The following ZNF816 variants were observed in gnomAD, a reference collection of about 807,000 sequenced individuals.
ZNF816 encodes the protein zinc finger protein 816.
ZNF816 carries 11 observed loss-of-function variants against 8.3 expected under a neutral mutation model. The ratio of observed to expected loss-of-function variants is 1.32; its 90% CI spans 0.83 to 2.19. The LOEUF (loss-of-function observed/expected upper bound fraction) is 2.19, where lower values mean the gene tolerates loss of function less well. ZNF816 is among the 30% of genes most tolerant of loss of function. The pLI, the probability that ZNF816 is intolerant of heterozygous loss-of-function variation, is 0.00. For synonymous variants in ZNF816, 255 were observed against 254.5 expected, an observed-to-expected ratio of 1.00 and a Z score of -0.02; for missense variants, 710 against 779.3, an observed-to-expected ratio of 0.91 and a Z score of 1.06.
rs1470180959 is a variant in ZNF816 at position 52,952,869 on chromosome 19, C to T, written c.72G>A (p.Leu24=). 6 of 1,597,222 alleles carry T rather than the reference C, an allele frequency of 3.8e-6. No individual in the cohort carries two copies. Among genetic ancestry groups the T allele is most frequent in the Non-Finnish European group, 5.1e-6 (6 of 1,175,246 alleles). ...EPGMALPQGR[L]TFRDVAIEFS... ...ACTCTATAGCCACATCCCTGAAAGT[C>T]AAGCGTCCCTAAAATAAAAAACACG... Residue 24 remains leucine, a synonymous_variant, in exon 3 of 4, where the codon TTG becomes TTA. Transcript: ENST00000444460.
rs145781671 is a variant in ZNF816, at chr19:52,958,370, C to G, written c.-15-2266G>C. Among the ~76,000 whole-genome samples, 171 of 152,328 alleles carry G rather than the reference C, an allele frequency of 1.1e-3. 1 individual carries two copies. The highest frequency in any genetic ancestry group is 0.01 in the Middle Eastern group (3 of 294). On this transcript the variant is annotated intron_variant, in intron 1 of 3. Coordinates refer to ENST00000444460, the MANE Select transcript of ZNF816 (RefSeq NM_001202457.3). ...TTTCTTTAGCATTAGACTAGCCCCT[C>G]AGAGCCAGAAGCTGTTTGCCTTTCA...
At position 52,957,888 on chromosome 19, in the gene ZNF816, C is replaced by G. The variant is rs901781598; in HGVS notation, c.-15-1784G>C. ...TTACCCAGAACGGGAGTCATTATGG[C>G]CCTTACAGTCCCCCAGGAAGAGGAA... On this transcript the variant is annotated intron_variant, in intron 1 of 3. Coordinates refer to ENST00000444460, the MANE Select transcript of ZNF816 (RefSeq NM_001202457.3). The surrounding 1 kb of genome is among the most constrained non-coding windows in gnomAD (Gnocchi z 4.6). 1.3e-5 allele frequency among the ~76,000 whole-genome samples: 2 copies of G among 152,174 alleles called. No homozygotes were observed. The highest frequency in any genetic ancestry group is 2.9e-5 in the Non-Finnish European group (2 of 68,048).
At position 52,950,024 on chromosome 19, in the gene ZNF816, T is replaced by G; in HGVS notation, c.1751A>C (p.Gln584Pro). The G allele has an allele frequency of 6.2e-7, 1 of 1,613,974 alleles. No homozygotes were observed. The highest frequency in any genetic ancestry group is 2.2e-5 in the East Asian group (1 of 44,862). ...FNQKGILAQH[Q>P]RVHTGEKPYK... ...AGGTTTCTCTCCAGTATGAACTCTC[T>G]GATGTTGTGCAAGGATTCCTTTTTG... The change falls in exon 4 of 4, where the codon CAG becomes CCG. Residue 584 changes from glutamine (Q) to proline (P), a missense_variant. Gln to Pro is a moderately conservative substitution (Grantham distance 76). Coordinates refer to ENST00000444460, the MANE Select transcript of ZNF816 (RefSeq NM_001202457.3).
Position 52,953,526 on chromosome 19 carries a change from TA to T in ZNF816, c.64-650del, listed in dbSNP as rs1284652728. ...TTTAATTATATATAATATATATTTATAATATATAATATATAATACAATATTA... is the reference window on the plus strand; with the variant it reads ...TTTAATTATATATAATATATATTTATATATATAATATATAATACAATATTA... On this transcript the variant is annotated intron_variant, in intron 2 of 3. Coordinates refer to ENST00000444460, the MANE Select transcript of ZNF816 (RefSeq NM_001202457.3). 4 of 52,304 alleles carry T rather than the reference TA, an allele frequency of 7.6e-5. No individual in the cohort carries two copies. The African/African-American group carries it at 1.1e-3, about 14-fold the overall frequency. 3.2% of individuals were successfully genotyped at this position (52,304 alleles called of 1,614,324 possible). A position where few individuals can be genotyped will look rare whatever the true frequency, so the allele number is the denominator to read the frequency against.
chr19:52,962,529 G>A (rs1394869267), intron 1 of ZNF816, among the ~76,000 whole-genome samples, 198 bp downstream of exon 1: 1 of 152,112 alleles, frequency 6.6e-6, no homozygotes, highest in Admixed American at 6.5e-5. Context: ...GCTGGGAAGC[G>A]CTCTTGCCCA....
chr19:52,952,109 G>A (rs145843201), intron 3 of ZNF816, among the ~76,000 whole-genome samples: 19 of 152,190 alleles, frequency 1.2e-4, no homozygotes, highest in African/African-American at 4.3e-4. Flanking sequence ...GGTGGCTCAC[G>A]CCTGTAATCC....
chr19:52,952,004 AGAT>A (rs2083464469), intron 3 of ZNF816: 2 of 400,654 alleles, frequency 5.0e-6, no homozygotes, highest in East Asian at 7.1e-5. Context: ...TGCTTAGAGA[AGAT>A]GACCATTCGT....
chr19:52,953,511 T>C (rs2083479755), intron 2 of ZNF816: 2 of 119,120 alleles, frequency 1.7e-5, no homozygotes, highest in African/African-American at 8.0e-5. Flanking sequence ...TTTAATTATA[T>C]ATAATATATA....
chr19:52,961,481 A>G (rs1259665205), intron 1 of ZNF816, among the ~76,000 whole-genome samples: 1 of 152,186 alleles, frequency 6.6e-6, no homozygotes, highest in African/African-American at 2.4e-5. Flanking sequence ...AAATGACAAA[A>G]AAGACCCGGT....
At chr19:52,953,729 T>C (rs918084887) in intron 2 of ZNF816, among the ~76,000 whole-genome samples, 40 of 125,416 alleles carry the variant, frequency 3.2e-4, no homozygotes, top group African/African-American at 1.1e-3. Flanking sequence ...ATATATATAA[T>C]ATATATTTTA....
chr19:52,953,786 T>C (rs1046775680), intron 2 of ZNF816, among the ~76,000 whole-genome samples: 5 of 146,832 alleles, frequency 3.4e-5, no homozygotes, highest in African/African-American at 1.2e-4. Context: ...ACACCTGTAA[T>C]CCCATCACTT....
At chr19:52,960,384 G>C (rs1204645084) in intron 1 of ZNF816, among the ~76,000 whole-genome samples, 4 of 152,172 alleles carry the variant, frequency 2.6e-5, no homozygotes, top group Admixed American at 2.0e-4. Flanking sequence ...GTGCTTCTTC[G>C]AGATCTTATT....
Position 52,951,224 on chromosome 19 carries a change from A to G in ZNF816, c.551T>C (p.Ile184Thr), listed in dbSNP as rs867848509. The change falls in exon 4 of 4, where the codon ATC becomes ACC. Residue 184 changes from isoleucine to threonine, a missense_variant. Physicochemically the swap from Ile to Thr is moderately conservative, Grantham distance 89. Coordinates refer to ENST00000444460, the MANE Select transcript of ZNF816 (RefSeq NM_001202457.3). ...GGATTCTGAAGCTGAGGAAGCACCGATAGACTTGTCCAATTGGTTACTAAT... is the reference window on the plus strand; with the variant it reads ...GGATTCTGAAGCTGAGGAAGCACCGGTAGACTTGTCCAATTGGTTACTAAT... Reference protein sequence around the residue: ...GKISNQLDKSIGASSASESQR... With the variant: ...GKISNQLDKSTGASSASESQR... 1 of 1,527,092 alleles carries G rather than the reference A, an allele frequency of 6.5e-7. No individual in the cohort carries two copies. Among genetic ancestry groups the G allele is most frequent in the African/African-American group, 1.6e-5 (1 of 64,304 alleles). The allele number at this position is 1,527,092 out of a possible 1,614,324, so 94.6% of individuals were successfully genotyped here. A position where few individuals can be genotyped will look rare whatever the true frequency, so the allele number is the denominator to read the frequency against.
intron 2 of ZNF816, 52 bp downstream of exon 2, chr19:52,955,975 G>C: frequency 6.3e-7 from 1 of 1,577,728 alleles, no homozygotes. Flanking sequence ...TACAATACCT[G>C]GCACTTCAGA....
At chr19:52,958,073 C>G (rs1381819313) in intron 1 of ZNF816, among the ~76,000 whole-genome samples, 2 of 152,190 alleles carry the variant, frequency 1.3e-5, no homozygotes, top group Non-Finnish European at 2.9e-5. Context: ...CAGGCAAAAA[C>G]AGTACCTGGT....
rs775367702 is a variant in ZNF816, at chr19:52,950,294, TCTCTTCGA to T, written c.1473_1480del (p.Ser491ArgfsTer8). On this transcript the variant is annotated frameshift_variant, in exon 4 of 4. Transcript: ENST00000444460. LOFTEE classifies it low-confidence loss of function (END_TRUNC). ...AAGTCTATGATGACGTGCAAGGTTTTCTCTTCGACTAAAAACCTTGCCACATTCATTAC... is the reference window on the plus strand; with the variant it reads ...AAGTCTATGATGACGTGCAAGGTTTTCTAAAAACCTTGCCACATTCATTAC... The T allele has an allele frequency of 1.2e-6, 2 of 1,611,104 alleles. No individual in the cohort carries two copies. Among genetic ancestry groups the T allele is most frequent in the South Asian group, 2.2e-5 (2 of 90,910 alleles).
rs1241972583 is a variant in ZNF816 at position 52,952,775 on chromosome 19, T to G, written c.166A>C (p.Asn56His). The G allele has an allele frequency of 6.2e-7, 1 of 1,613,750 alleles. No individual in the cohort carries two copies. Among genetic ancestry groups the G allele is most frequent in the African/African-American group, 1.3e-5 (1 of 74,838 alleles). ...RALYRAVMLE[N>H]YRNLEFVDSS... ...CCCACAAACTCCAGGTTCCTGTAGT[T>G]CTCCAACATCACAGCCCTGTATAAA... The change falls in exon 3 of 4, where the codon AAC becomes CAC. Residue 56 changes from asparagine to histidine, a missense_variant. Physicochemically the swap from Asn to His is moderately conservative, Grantham distance 68 (BLOSUM62 1). Transcript: ENST00000444460.
chr19:52,952,641 T>C (rs925221181), intron 3 of ZNF816, 110 bp downstream of exon 3: 9 of 1,571,084 alleles, frequency 5.7e-6, no homozygotes, highest in Non-Finnish European at 7.7e-6. Context: ...AACAATGACA[T>C]GTACATCAAA....
chr19:52,952,678 G>A (rs1267503194), intron 3 of ZNF816, 73 bp downstream of exon 3: 2 of 1,599,596 alleles, frequency 1.3e-6, no homozygotes, highest in South Asian at 2.2e-5. Context: ...AATCACAAAA[G>A]AGAATATAAA....
Sources: allele counts gnomAD v4.1 joint callset (sites outside exome capture counted in the v4.1 genomes callset), GRCh38; gene constraint gnomAD v4.1.1; non-coding constraint Gnocchi (gnomAD v3.1); transcripts MANE v1.5; gene names NCBI Gene and HGNC (gene_info 2026-07-23, HGNC 2026-07-21).